The following TOP2A variants were observed in gnomAD, a reference collection of about 807,000 sequenced individuals.
TOP2A encodes DNA topoisomerase 2-alpha.
In TOP2A, 68 loss-of-function variants were observed where a neutral mutation model predicts 187.2. The observed-to-expected ratio is 0.36, with a 90% CI of 0.30 to 0.44. The LOEUF (loss-of-function observed/expected upper bound fraction) is 0.44, where lower values mean the gene tolerates loss of function less well. TOP2A is among the 20% of genes least tolerant of loss of function. The pLI is 1.00. For synonymous variants in TOP2A, 542 were observed against 593.2 expected (o/e 0.91, Z 1.25); for missense variants, 1,196 against 1,808.7 (o/e 0.66, Z 6.14).
chr17:40,410,962 A>T, intron 10 of TOP2A, 147 bp downstream of exon 10: 1 of 771,424 alleles, frequency 1.3e-6, no homozygotes, highest in Non-Finnish European at 2.0e-6. Context: ...TAAATCAGTT[A>T]AAGTAAAGCC....
At chr17:40,403,104 A>G (rs944271728) in intron 19 of TOP2A, 50 bp from the exon 20 acceptor site, 4 of 1,515,662 alleles carry the variant, frequency 2.6e-6, no homozygotes, top group African/African-American at 2.8e-5. Flanking sequence ...TAATACAAAT[A>G]CATTATGACT....
chr17:40,400,888 T>G lies in TOP2A; in HGVS notation c.2626A>C (p.Ile876Leu). 6.2e-7 allele frequency: 1 copy of G among 1,614,030 alleles called. No homozygotes were observed. Among genetic ancestry groups the G allele is most frequent in the Non-Finnish European group, 8.5e-7 (1 of 1,179,886 alleles). ...NFDVREIVNNIRRLMDGEEPL... is the reference protein window; with the variant it reads ...NFDVREIVNNLRRLMDGEEPL... ...TCTTCTCCATCCATCAAACGCCTGATGTTATTTACAATTTCACGCACATCA... is the reference window on the plus strand; with the variant it reads ...TCTTCTCCATCCATCAAACGCCTGAGGTTATTTACAATTTCACGCACATCA... Residue 876 changes from isoleucine to leucine, a missense_variant, in exon 21 of 35, where the codon ATC becomes CTC. Transcript: ENST00000423485.
chr17:40,406,983 G>A (rs1233620578), intron 13 of TOP2A, 41 bp from the exon 14 acceptor site: 1 of 1,468,610 alleles, frequency 6.8e-7, no homozygotes, highest in Non-Finnish European at 9.3e-7. Flanking sequence ...GAACTGTTAG[G>A]CTGGGCGTGG....
At chr17:40,392,028 A>T in intron 32 of TOP2A, 40 bp downstream of exon 32, 1 of 1,597,934 alleles carries the variant, frequency 6.3e-7, no homozygotes, top group Non-Finnish European at 8.5e-7. Flanking sequence ...TGAGTGTCCC[A>T]GTAAGGCAGA....
At chr17:40,390,624 A>ATTTT (rs202246173) in intron 33 of TOP2A, among the ~76,000 whole-genome samples, 12 of 129,814 alleles carry the variant, frequency 9.2e-5, no homozygotes, top group Non-Finnish European at 2.0e-4. Flanking sequence ...TAAACATTCT[A>ATTTT]TTTTTTTTTT....
Position 40,413,493 on chromosome 17 carries a change from TTCA to T in TOP2A, c.462_464del (p.Asp154del), listed in dbSNP as rs1358084649. Reference sequence around the variant, plus strand: ...TCAATACTCTACCTGTCACTTTCTTTTCATCATCATCATAGTTACTAGAAGTTA... The same window carrying T: ...TCAATACTCTACCTGTCACTTTCTTTTCATCATCATAGTTACTAGAAGTTA... On this transcript the variant is annotated inframe_deletion, in exon 5 of 35. Transcript: ENST00000423485. 6 of 1,530,324 alleles carry T rather than the reference TTCA, an allele frequency of 3.9e-6. No individual in the cohort carries two copies. In the South Asian group the frequency reaches 5.1e-5, roughly 13 times the overall value. The allele number at this position is 1,530,324 out of a possible 1,614,324, so 94.8% of individuals were successfully genotyped here.
At position 40,406,900 on chromosome 17, in the gene TOP2A, TA is replaced by T; in HGVS notation, c.1668del (p.Phe556LeufsTer23). The T allele has an allele frequency of 6.2e-7, 1 of 1,606,028 alleles. No homozygotes were observed. Among genetic ancestry groups the T allele is most frequent in the East Asian group, 2.2e-5 (1 of 44,756 alleles). ...AGAAGAGAGGGCCAGTTGTGATGGA[TA>T]AAATTAATCAGCAAGCCTTTGATGT... ...GSHIKGLLIN[F>X]IHHNWPSLLR... On this transcript the variant is annotated frameshift_variant, in exon 14 of 35. Coordinates refer to ENST00000423485, the MANE Select transcript of TOP2A (RefSeq NM_001067.4). LOFTEE classifies it high-confidence loss of function.
chr17:40,398,304 A>T (rs2035128525), intron 27 of TOP2A, among the ~76,000 whole-genome samples: 1 of 151,838 alleles, frequency 6.6e-6, no homozygotes, highest in South Asian at 2.1e-4. Flanking sequence ...GGGTTTTACC[A>T]TGTTGGCCAG....
chr17:40,417,204 T>C (rs1034519122), intron 1 of TOP2A, among the ~76,000 whole-genome samples: 18 of 152,168 alleles, frequency 1.2e-4, no homozygotes, highest in African/African-American at 4.3e-4. Context: ...GCATACATTA[T>C]TTACCGAGTG....
intron 13 of TOP2A, 113 bp from the exon 14 acceptor site, chr17:40,407,055 G>A (rs2035256533): frequency 2.7e-6 from 2 of 748,058 alleles, no homozygotes; most frequent in Non-Finnish European, 2.2e-6. Context: ...CCTGAGGTCA[G>A]GCGTTCGAGA....
At chr17:40,406,363 T>C in intron 16 of TOP2A, 21 bp downstream of exon 16, 1 of 1,575,222 alleles carries the variant, frequency 6.3e-7, no homozygotes, top group Non-Finnish European at 8.7e-7. Flanking sequence ...AGAATGTATA[T>C]AAAATACAAC....
Position 40,406,687 on chromosome 17 carries a change from T to A in TOP2A, c.1740A>T (p.Val580=), listed in dbSNP as rs369405988. 5.6e-6 allele frequency: 9 copies of A among 1,610,690 alleles called. No individual in the cohort carries two copies. Among genetic ancestry groups the A allele is most frequent in the Non-Finnish European group, 5.1e-6 (6 of 1,178,140 alleles). ...LEEFITPIVK[V]SKNKQEMAFY... ...ATGCCATTTCTTGCTTGTTTTTAGA[T>A]ACCTGTGATAAAAAACAATGACTGT... is the stretch of plus-strand genomic sequence containing the variant. The change falls in exon 15 of 35, where the codon GTA becomes GTT. Residue 580 remains valine, a splice_region_variant and synonymous_variant. Transcript: ENST00000423485.
chr17:40,394,005 G>A (rs1173775051), intron 29 of TOP2A, among the ~76,000 whole-genome samples: 3 of 145,356 alleles, frequency 2.1e-5, no homozygotes, highest in Non-Finnish European at 4.5e-5. Flanking sequence ...GCAGTGAGCC[G>A]AGATCTCACT....
chr17:40,403,017 T>C lies in TOP2A; in HGVS notation c.2321A>G (p.Asn774Ser), dbSNP rs61756342. Residue 774 changes from asparagine (N) to serine (S), a missense_variant, in exon 20 of 35, where the codon AAT becomes AGT. Asn to Ser is a conservative substitution (Grantham distance 46, BLOSUM62 1). Coordinates refer to ENST00000423485, the MANE Select transcript of TOP2A (RefSeq NM_001067.4). ...LMMTIINLAQNFVGSNNLNLL... is the reference protein window; with the variant it reads ...LMMTIINLAQSFVGSNNLNLL... ...GTTTAGATTATTGCTACCCACAAAA[T>C]TCTGAGCCAAATTGATAATGGTCAT... 6.2e-7 allele frequency: 1 copy of C among 1,601,706 alleles called. No homozygotes were observed. Among genetic ancestry groups the C allele is most frequent in the Non-Finnish European group, 8.5e-7 (1 of 1,173,476 alleles).
chr17:40,416,601 T>A, intron 2 of TOP2A, 89 bp from the exon 3 acceptor site: 2 of 1,416,704 alleles, frequency 1.4e-6, no homozygotes, highest in Non-Finnish European at 2.0e-6. Flanking sequence ...ATATTAAGTA[T>A]TACCATATTT....
chr17:40,402,572 T>C (rs2035195287), intron 20 of TOP2A, among the ~76,000 whole-genome samples: 1 of 152,060 alleles, frequency 6.6e-6, no homozygotes, highest in Non-Finnish European at 1.5e-5. Context: ...ACTGAAAGGG[T>C]GACTGGGATG....
rs985878490 is a variant in TOP2A at position 40,411,354 on chromosome 17, C to T, written c.1065G>A (p.Gln355=). Residue 355 remains glutamine (Q), a splice_region_variant and synonymous_variant, in exon 9 of 35, where the codon CAG becomes CAA. Coordinates refer to ENST00000423485, the MANE Select transcript of TOP2A (RefSeq NM_001067.4). This position sits in a 1 kb window ranked among gnomAD's most constrained non-coding sequence, Gnocchi z 4.4. The part of the protein sequence containing the change: ...NKGGVAVKAH[Q]VKNHMWIFVN... ...AAAGAAAACTGCCAAAAGCACATAC[C>T]TGATGTGCTTTTACTGCAACACCAC... 1 of 1,611,822 alleles carries T rather than the reference C, an allele frequency of 6.2e-7. No homozygotes were observed. The highest frequency in any genetic ancestry group is 8.5e-7 in the Non-Finnish European group (1 of 1,178,016).
At position 40,412,944 on chromosome 17, in the gene TOP2A, C is replaced by A. The variant is rs750943457; in HGVS notation, c.604G>T (p.Gly202Cys). Residue 202 changes from glycine to cysteine, a missense_variant, in exon 7 of 35, where the codon GGT (glycine) becomes TGT (cysteine). Gly to Cys is a radical substitution (Grantham distance 159). Transcript: ENST00000423485. ...TTGAAGGGCTTGAGTTCCATCTCACCAGCTCTTCCCATATTATCCATCCAT... is the reference window on the plus strand; with the variant it reads ...TTGAAGGGCTTGAGTTCCATCTCACAAGCTCTTCCCATATTATCCATCCAT... ...QTWMDNMGRA[G>C]EMELKPFNGE... 1.2e-6 allele frequency: 2 copies of A among 1,613,140 alleles called. No homozygotes were observed. Among genetic ancestry groups the A allele is most frequent in the Non-Finnish European group, 1.7e-6 (2 of 1,179,424 alleles).
Position 40,411,154 on chromosome 17 carries a change from C to G in TOP2A, c.1158G>C (p.Lys386Asn), listed in dbSNP as rs2143679712. The change falls in exon 10 of 35, where the codon AAG becomes AAC. Residue 386 changes from lysine to asparagine, a missense_variant. Physicochemically the swap from Lys to Asn is moderately conservative, Grantham distance 94 (BLOSUM62 0). Coordinates refer to ENST00000423485, the MANE Select transcript of TOP2A (RefSeq NM_001067.4). The surrounding 1 kb of genome is among the most constrained non-coding windows in gnomAD (Gnocchi z 4.4). ...TCAATTGGCATGTTGATCCAAAGCT[C>G]TTGGGTTGTAAAGTCATGTTTTCTT... ...QTKENMTLQPKSFGSTCQLSE... is the reference protein window; with the variant it reads ...QTKENMTLQPNSFGSTCQLSE... 1.2e-6 allele frequency: 2 copies of G among 1,612,976 alleles called. No individual in the cohort carries two copies.
Sources: gnomAD v4.1 joint callset for allele counts (sites outside exome capture counted in the v4.1 genomes callset) on GRCh38, gnomAD v4.1.1 for gene constraint, Gnocchi (gnomAD v3.1) non-coding constraint, MANE v1.5 for transcripts, NCBI Gene and HGNC (gene_info 2026-07-23, HGNC 2026-07-21) for gene names.